The following KAT6B variants were observed in gnomAD, a reference collection of about 807,000 sequenced individuals.
KAT6B encodes the protein lysine acetyltransferase 6B.
Under a neutral mutation model 187.5 loss-of-function variants are expected in KAT6B, and 10 were observed. The observed-to-expected ratio is 0.05, with a 90% CI of 0.03 to 0.09. The LOEUF (loss-of-function observed/expected upper bound fraction) is 0.09. Among genes scored for constraint, KAT6B ranks in the 10% least tolerant of loss-of-function variants. The probability of loss-of-function intolerance (pLI) is 1.00; values close to 1 mark genes in which losing one functional copy is unlikely to be tolerated. For synonymous variants in KAT6B, 861 were observed against 926.8 expected (o/e 0.93, Z 1.29); for missense variants, 1,952 against 2,558.9 (o/e 0.76, Z 5.12).
At chr10:74,889,527 G>A (rs1015023700) in intron 3 of KAT6B, among the ~76,000 whole-genome samples, 1 of 152,220 alleles carries the variant, frequency 6.6e-6, no homozygotes, top group Non-Finnish European at 1.5e-5. Flanking sequence ...CTTTGCATCT[G>A]TGTAAAGAGG....
chr10:74,972,981 A>G (rs1365384907), intron 7 of KAT6B, among the ~76,000 whole-genome samples: 1 of 152,202 alleles, frequency 6.6e-6, no homozygotes, highest in African/African-American at 2.4e-5. Context: ...TTTCATAGGA[A>G]TTTTAAAACG....
At chr10:74,966,551 T>C (rs1278665994) in intron 4 of KAT6B, among the ~76,000 whole-genome samples, 1 of 152,246 alleles carries the variant, frequency 6.6e-6, no homozygotes, top group Non-Finnish European at 1.5e-5. Context: ...AGTATTCCTT[T>C]GGTTTTGCTA....
intron 1 of KAT6B, among the ~76,000 whole-genome samples, chr10:74,834,897 C>T (rs1841172549): frequency 6.6e-6 from 1 of 152,318 alleles, no homozygotes; most frequent in East Asian, 1.9e-4. Context: ...TTTTGTTTGA[C>T]AGCTCATTCT....
At chr10:74,888,945 T>C (rs1845473298) in intron 3 of KAT6B, among the ~76,000 whole-genome samples, 1 of 152,252 alleles carries the variant, frequency 6.6e-6, no homozygotes, top group South Asian at 2.1e-4. Flanking sequence ...AAAATTTATA[T>C]GTATTTGTAA....
chr10:74,845,514 T>G (rs1842032189), intron 3 of KAT6B, among the ~76,000 whole-genome samples: 1 of 121,974 alleles, frequency 8.2e-6, no homozygotes, highest in Non-Finnish European at 1.6e-5. Context: ...AGAGCGAGAC[T>G]CTGTCTCAAA....
chr10:74,929,439 C>A (rs911767088), intron 3 of KAT6B, among the ~76,000 whole-genome samples: 4 of 152,056 alleles, frequency 2.6e-5, no homozygotes, highest in Non-Finnish European at 5.9e-5. Flanking sequence ...AAAAAATAAA[C>A]GAATGGCAGT....
At chr10:74,990,196 C>CAAAAAAAAAAAAA (rs56300641) in intron 13 of KAT6B, among the ~76,000 whole-genome samples, 1 of 39,406 alleles carries the variant, frequency 2.5e-5, no homozygotes, top group Non-Finnish European at 6.5e-5. Context: ...GACTCTGTCT[C>CAAAAAAAAAAAAA]AAAAAAAAAA....
chr10:74,851,332 GA>G (rs1343801043), intron 3 of KAT6B, among the ~76,000 whole-genome samples: 125 of 139,368 alleles, frequency 9.0e-4, no homozygotes, highest in African/African-American at 3.2e-3. Context: ...TGATAAGAAT[GA>G]TTTTTTTTTT....
At chr10:74,859,255 T>G (rs1319149416) in intron 3 of KAT6B, among the ~76,000 whole-genome samples, 1 of 148,066 alleles carries the variant, frequency 6.8e-6, no homozygotes, top group South Asian at 2.1e-4. Context: ...TAATTTTGTA[T>G]TTTTTTTTTA....
intron 3 of KAT6B, among the ~76,000 whole-genome samples, chr10:74,910,682 A>G (rs758788895): frequency 2.6e-5 from 4 of 151,860 alleles, no homozygotes; most frequent in African/African-American, 9.7e-5. Flanking sequence ...TGATTTTTCA[A>G]ACATCATGGA....
chr10:74,827,722 A>G (rs1840375781), intron 1 of KAT6B, among the ~76,000 whole-genome samples: 1 of 152,164 alleles, frequency 6.6e-6, no homozygotes, highest in Admixed American at 6.5e-5. Context: ...GTGGAGCTGT[A>G]CAGTAATTTT....
chr10:74,914,038 T>C (rs144702388), intron 3 of KAT6B, among the ~76,000 whole-genome samples: 1,817 of 151,982 alleles, frequency 0.012, 17 homozygotes, highest in Middle Eastern at 0.024. Context: ...TACAAAAAAT[T>C]AGCCGGGCGT....
chr10:74,977,465 G>C (rs764097976), intron 9 of KAT6B, 28 bp downstream of exon 9: 2 of 1,612,420 alleles, frequency 1.2e-6, no homozygotes, highest in Non-Finnish European at 1.7e-6. Context: ...CATTGTAGTA[G>C]CAAGTATAAG....
intron 3 of KAT6B, among the ~76,000 whole-genome samples, chr10:74,904,632 C>T (rs995980814): frequency 2.0e-5 from 3 of 152,178 alleles, no homozygotes; most frequent in Non-Finnish European, 4.4e-5. Flanking sequence ...GACTGGCCAG[C>T]TTTCTGTTTG....
At chr10:74,852,065 T>A (rs1430476676) in intron 3 of KAT6B, among the ~76,000 whole-genome samples, 1 of 152,156 alleles carries the variant, frequency 6.6e-6, no homozygotes, top group Non-Finnish European at 1.5e-5. Flanking sequence ...CTCTCAGCCC[T>A]AGGGGAATTG....
At chr10:74,930,006 A>T (rs546896178) in intron 3 of KAT6B, among the ~76,000 whole-genome samples, 1 of 147,620 alleles carries the variant, frequency 6.8e-6, no homozygotes, top group Non-Finnish European at 1.5e-5. Flanking sequence ...CTCAACCTCT[A>T]CCTCCTGGGT....
At chr10:75,004,137 C>A (rs1844046265) in intron 13 of KAT6B, among the ~76,000 whole-genome samples, 1 of 151,646 alleles carries the variant, frequency 6.6e-6, no homozygotes, top group Non-Finnish European at 1.5e-5. Flanking sequence ...ATTTTGAAAT[C>A]CACTACTGGA....
chr10:74,825,330 C>T (rs562405909), upstream of KAT6B, among the ~76,000 whole-genome samples: 9 of 150,448 alleles, frequency 6.0e-5, no homozygotes, highest in Admixed American at 2.6e-4. The surrounding 1 kb of genome is among the most constrained non-coding windows in gnomAD (Gnocchi z 5.0). Flanking sequence ...CCCCCGAGGG[C>T]GGCGAGAGGA....
chr10:74,997,971 G>A (rs1356384693), intron 13 of KAT6B, among the ~76,000 whole-genome samples: 1 of 152,098 alleles, frequency 6.6e-6, no homozygotes, highest in Non-Finnish European at 1.5e-5. Flanking sequence ...AAATAGCCGG[G>A]CGTGGTGATG....
Sources: allele counts gnomAD v4.1 joint callset (sites outside exome capture counted in the v4.1 genomes callset), GRCh38; gene constraint gnomAD v4.1.1; non-coding constraint Gnocchi (gnomAD v3.1); transcripts MANE v1.5; gene names NCBI Gene and HGNC (gene_info 2026-07-23, HGNC 2026-07-21).